ITSN2: variants seen among roughly 807,000 people sequenced by gnomAD.
The protein encoded by ITSN2 is intersectin-2.
ITSN2 carries 156 observed loss-of-function variants against 243.7 expected under a neutral mutation model. The observed-to-expected ratio is 0.64, with a 90% CI of 0.56 to 0.73. The LOEUF (loss-of-function observed/expected upper bound fraction) is 0.73, where lower values mean the gene tolerates loss of function less well. Ranked by LOEUF, ITSN2 falls within the 30% of genes least tolerant of loss-of-function variation. The pLI is 0.00. For missense variants in ITSN2, 1,801 were observed against 1,996.1 expected (o/e 0.90, Z 1.86); for synonymous variants, 703 against 699.9 (o/e 1.00, Z -0.07).
At chr2:24,313,278 G>C (rs995791243) in intron 4 of ITSN2, among the ~76,000 whole-genome samples, 182 bp downstream of exon 4, 9 of 151,470 alleles carry the variant, frequency 5.9e-5, no homozygotes, top group Admixed American at 5.9e-4. Context: ...TGTAGAGACA[G>C]GGTTCTCACT....
At chr2:24,307,934 C>G (rs767738978) in intron 8 of ITSN2, among the ~76,000 whole-genome samples, 1 of 152,194 alleles carries the variant, frequency 6.6e-6, no homozygotes, top group Non-Finnish European at 1.5e-5. Flanking sequence ...TTCAATATAT[C>G]TCATTCTATG....
At chr2:24,291,994 C>T (rs1459472256) in intron 15 of ITSN2, among the ~76,000 whole-genome samples, 1 of 152,102 alleles carries the variant, frequency 6.6e-6, no homozygotes, top group Non-Finnish European at 1.5e-5. Flanking sequence ...CTCTGAACCT[C>T]AGTTTTCCTG....
At chr2:24,283,488 A>G (rs191386021) in intron 17 of ITSN2, among the ~76,000 whole-genome samples, 1 of 152,168 alleles carries the variant, frequency 6.6e-6, no homozygotes, top group Non-Finnish European at 1.5e-5. Context: ...GGCCTCCCAA[A>G]GTGTTGGGAT....
In ITSN2 at chr2:24,209,335, G is replaced by A. The variant is rs185075771; in HGVS notation, c.4474-114C>T. 3.2e-4 allele frequency: 387 copies of A among 1,204,404 alleles called. 4 individuals carry two copies. In the East Asian group the frequency reaches 6.8e-3, roughly 21 times the overall value. 74.6% of individuals were successfully genotyped at this position (1,204,404 alleles called of 1,614,324 possible). A position where few individuals can be genotyped will look rare whatever the true frequency, so the allele number is the denominator to read the frequency against. On this transcript the variant is annotated intron_variant, in intron 35 of 39. Coordinates refer to ENST00000355123, the MANE Select transcript of ITSN2 (RefSeq NM_006277.3). ...AGAGCCTTGTTGAGAAGGAGAAAGGGGTCTAGCGTCTAAGGTCTTCTACAC... is the reference window on the plus strand; with the variant it reads ...AGAGCCTTGTTGAGAAGGAGAAAGGAGTCTAGCGTCTAAGGTCTTCTACAC...
chr2:24,224,629 T>C (rs1307796153), intron 29 of ITSN2, among the ~76,000 whole-genome samples: 3 of 135,820 alleles, frequency 2.2e-5, no homozygotes, highest in East Asian at 4.8e-4. Flanking sequence ...TCATGACGGC[T>C]CTTCAACTTT....
At chr2:24,274,382 C>A (rs1486009371) in intron 18 of ITSN2, among the ~76,000 whole-genome samples, 1 of 152,074 alleles carries the variant, frequency 6.6e-6, no homozygotes, top group Admixed American at 6.6e-5. Flanking sequence ...CCGGCCTGAG[C>A]AACACAGAGA....
chr2:24,204,795 A>G lies in ITSN2; in HGVS notation c.4763-377T>C. 2.1e-6 allele frequency: 1 copy of G among 469,170 alleles called. No homozygotes were observed. The highest frequency in any genetic ancestry group is 1.6e-5 in the South Asian group (1 of 63,942). The allele number at this position is 469,170 out of a possible 1,614,324, so 29.1% of individuals were successfully genotyped here. A position where few individuals can be genotyped will look rare whatever the true frequency, so the allele number is the denominator to read the frequency against. On this transcript the variant is annotated intron_variant, in intron 38 of 39. Transcript: ENST00000355123. The surrounding 1 kb of genome is among the most constrained non-coding windows in gnomAD (Gnocchi z 5.1). ...GGTCCAATATGCGCATTTTAGTGGC[A>G]CTGGACACACTGTTAGAAAGCATTC...
At chr2:24,309,801 C>T (rs978582972) in intron 7 of ITSN2, among the ~76,000 whole-genome samples, 1 of 152,148 alleles carries the variant, frequency 6.6e-6, no homozygotes, top group Admixed American at 6.5e-5. Flanking sequence ...TGTTGTTCTT[C>T]TGGGTCAAAT....
intron 1 of ITSN2, among the ~76,000 whole-genome samples, chr2:24,355,181 G>A (rs547693898): frequency 2.7e-4 from 41 of 152,006 alleles, no homozygotes; most frequent in Non-Finnish European, 4.7e-4. Context: ...TAGTTTCTGC[G>A]CTCCACAGCT....
intron 23 of ITSN2, among the ~76,000 whole-genome samples, chr2:24,255,763 C>A (rs567687459): frequency 1.3e-5 from 2 of 151,532 alleles, no homozygotes; most frequent in African/African-American, 4.8e-5. Flanking sequence ...CCTGTCTCTA[C>A]TAAAAATACA....
intron 37 of ITSN2, among the ~76,000 whole-genome samples, chr2:24,206,006 C>G (rs541984256): frequency 6.6e-6 from 1 of 152,272 alleles, no homozygotes; most frequent in East Asian, 1.9e-4. Flanking sequence ...AAGCCTAGCA[C>G]AGAGCCTGGC....
rs1439994697 is a variant in ITSN2, at chr2:24,252,471, T to TC, written c.2993dup (p.Asp999ArgfsTer8). On this transcript the variant is annotated frameshift_variant, in exon 25 of 40. Transcript: ENST00000355123. LOFTEE classifies it high-confidence loss of function. ...CTTCACCTTCTGTGAAAGTCAAATC[T>TC]CCAGGTTCCACACTTGAATATGGAT... 1.2e-6 allele frequency: 2 copies of TC among 1,612,656 alleles called. No homozygotes were observed. The highest frequency in any genetic ancestry group is 1.7e-6 in the Non-Finnish European group (2 of 1,178,868).
chr2:24,277,213 G>A (rs1043383634), intron 17 of ITSN2, among the ~76,000 whole-genome samples: 11 of 152,156 alleles, frequency 7.2e-5, no homozygotes, highest in African/African-American at 2.7e-4. Flanking sequence ...GGGGACTTAA[G>A]AGTAATCAAA....
intron 1 of ITSN2, among the ~76,000 whole-genome samples, chr2:24,348,187 A>G (rs932940938): frequency 7.7e-6 from 1 of 129,108 alleles, no homozygotes; most frequent in Non-Finnish European, 1.6e-5. Flanking sequence ...TTCAAATACT[A>G]TGATTTTTTT....
intron 22 of ITSN2, among the ~76,000 whole-genome samples, chr2:24,258,839 T>A (rs1325766610): frequency 6.6e-6 from 1 of 152,190 alleles, no homozygotes; most frequent in East Asian, 1.9e-4. Context: ...CAAAGCCAAA[T>A]GCTTCTTCCA....
intron 6 of ITSN2, 22 bp from the exon 7 acceptor site, chr2:24,310,402 A>T (rs761334444): frequency 3.1e-6 from 5 of 1,609,632 alleles, no homozygotes; most frequent in Non-Finnish European, 4.2e-6. Flanking sequence ...AAAGAAGGAA[A>T]AGTATGAAAG....
At chr2:24,295,967 T>C (rs947050601) in intron 13 of ITSN2, among the ~76,000 whole-genome samples, 163 bp from the exon 14 acceptor site, 4 of 152,234 alleles carry the variant, frequency 2.6e-5, no homozygotes, top group African/African-American at 9.6e-5. Flanking sequence ...CAGAGTTGTG[T>C]CTGTTAACTC....
intron 19 of ITSN2, 149 bp downstream of exon 19, chr2:24,271,617 T>G: frequency 2.0e-6 from 2 of 989,550 alleles, no homozygotes; most frequent in Non-Finnish European, 2.7e-6. Context: ...ATAAGCCTAC[T>G]GCTTTTTATC....
At position 24,275,653 on chromosome 2, in the gene ITSN2, G is replaced by A. The variant is rs1677915163; in HGVS notation, c.2081+60C>T. On this transcript the variant is annotated intron_variant, in intron 18 of 39. Transcript: ENST00000355123. ...TTAAATTTTCATAAACTAAAGATAT[G>A]AGCAACAAAATTACAATTCTAATGG... The A allele has an allele frequency of 2.9e-6, 4 of 1,361,606 alleles. No homozygotes were observed. In the Admixed American group the frequency reaches 8.3e-5, roughly 28 times the overall value. The allele number at this position is 1,361,606 out of a possible 1,614,324, so 84.3% of individuals were successfully genotyped here.
Sources: gnomAD v4.1 joint callset for allele counts (sites outside exome capture counted in the v4.1 genomes callset) on GRCh38, gnomAD v4.1.1 for gene constraint, Gnocchi (gnomAD v3.1) non-coding constraint, MANE v1.5 for transcripts, NCBI Gene and HGNC (gene_info 2026-07-23, HGNC 2026-07-21) for gene names.